Variants in GHR observed in about 807,000 individuals in gnomAD.
GHR encodes the protein growth hormone receptor.
A neutral mutation model predicts 67.1 loss-of-function variants in GHR; 35 were observed. The ratio of observed to expected loss-of-function variants is 0.52; its 90% CI spans 0.40 to 0.69. The LOEUF (loss-of-function observed/expected upper bound fraction) is 0.69. GHR is among the 30% of genes least tolerant of loss of function. The pLI, the probability that GHR is intolerant of heterozygous loss-of-function variation, is 0.00. For missense variants in GHR, 792 were observed against 764.6 expected (o/e 1.04, Z -0.42); for synonymous variants, 272 against 269.1 (o/e 1.01, Z -0.10).
At position 42,695,077 on chromosome 5, in the gene GHR, G is replaced by A. The variant is rs137886646; in HGVS notation, c.427G>A (p.Val143Ile). The A allele has an allele frequency of 4.4e-6, 7 of 1,608,186 alleles. No homozygotes were observed. Among genetic ancestry groups the A allele is most frequent in the African/African-American group, 4.0e-5 (3 of 74,800 alleles). The change falls in exon 5 of 10, where the codon GTT becomes ATT. Residue 143 changes from valine to isoleucine, a missense_variant. Physicochemically the swap from Val to Ile is conservative, Grantham distance 29. Transcript: ENST00000230882. Reference protein sequence around the residue: ...GGTVDEKCFSVDEIVQPDPPI... With the variant: ...GGTVDEKCFSIDEIVQPDPPI... ...TACAGTGGATGAAAAGTGTTTCTCT[G>A]TTGATGAAATAGGTAAATCACAGGT...
chr5:42,568,400 A>G (rs1241146122), intron 2 of GHR, among the ~76,000 whole-genome samples: 1 of 152,198 alleles, frequency 6.6e-6, no homozygotes, highest in Non-Finnish European at 1.5e-5. Flanking sequence ...AGCCAGTTAC[A>G]TAGTCTAGAG....
chr5:42,444,008 G>A (rs536333674), intron 1 of GHR, among the ~76,000 whole-genome samples: 2 of 145,150 alleles, frequency 1.4e-5, no homozygotes, highest in South Asian at 4.3e-4. Flanking sequence ...GACATAGATA[G>A]ATATAGATAT....
intron 5 of GHR, among the ~76,000 whole-genome samples, chr5:42,695,353 A>G (rs897590798): frequency 2.0e-5 from 3 of 152,152 alleles, no homozygotes; most frequent in African/African-American, 7.2e-5. Context: ...TTCCTTTAGG[A>G]TATCTTTGAA....
intron 1 of GHR, among the ~76,000 whole-genome samples, chr5:42,494,262 G>A (rs1322120773): frequency 6.6e-6 from 1 of 151,978 alleles, no homozygotes; most frequent in Non-Finnish European, 1.5e-5. Context: ...ACCATATCCT[G>A]GCTAATTAGA....
intron 1 of GHR, among the ~76,000 whole-genome samples, chr5:42,474,958 A>G (rs1051616997): frequency 7.4e-6 from 1 of 135,320 alleles, no homozygotes; most frequent in African/African-American, 2.9e-5. Flanking sequence ...ATCTTGGCTC[A>G]TTGCAACTTC....
At chr5:42,532,297 G>A (rs1269253360) in intron 1 of GHR, among the ~76,000 whole-genome samples, 2 of 152,058 alleles carry the variant, frequency 1.3e-5, no homozygotes, top group Non-Finnish European at 2.9e-5. Flanking sequence ...TTAGGGACTT[G>A]TTATGTTTAA....
chr5:42,477,136 G>A (rs1745370487), intron 1 of GHR, among the ~76,000 whole-genome samples: 2 of 148,538 alleles, frequency 1.3e-5, no homozygotes, highest in Non-Finnish European at 3.0e-5. Flanking sequence ...TGCGGTGTTT[G>A]GTTTTTTTTC....
chr5:42,523,723 T>A (rs1267165937), intron 1 of GHR, among the ~76,000 whole-genome samples: 2 of 152,076 alleles, frequency 1.3e-5, no homozygotes, highest in African/African-American at 2.4e-5. Flanking sequence ...TCTGATATGG[T>A]TTGGTTGTGT....
chr5:42,603,828 G>A (rs1251938732), intron 2 of GHR, among the ~76,000 whole-genome samples: 2 of 152,114 alleles, frequency 1.3e-5, no homozygotes, highest in African/African-American at 4.8e-5. Context: ...CACTTCTACT[G>A]AGAGATCCTA....
chr5:42,688,846 G>C, intron 3 of GHR, 44 bp from the exon 4 acceptor site: 1 of 1,595,302 alleles, frequency 6.3e-7, no homozygotes. Context: ...GATCACATAT[G>C]ACTCACCTGA....
intron 2 of GHR, among the ~76,000 whole-genome samples, chr5:42,593,625 A>G (rs1036588548): frequency 3.3e-5 from 5 of 152,158 alleles, no homozygotes; most frequent in Admixed American, 1.3e-4. Flanking sequence ...ATCTGAAGGC[A>G]GTGCACTGGA....
intron 1 of GHR, among the ~76,000 whole-genome samples, chr5:42,426,566 G>A (rs1488770772): frequency 2.6e-5 from 4 of 152,266 alleles, no homozygotes; most frequent in Non-Finnish European, 2.9e-5. Context: ...ATGTGTTTAT[G>A]TGTGTCCATA....
Position 42,567,758 on chromosome 5 carries a change from T to C in GHR, c.70+1814T>C, listed in dbSNP as rs543814933. On this transcript the variant is annotated intron_variant, in intron 2 of 9. Transcript: ENST00000230882. ...AAGCACGTTCCAGTGTGTGTGTGCA[T>C]GCTTGGCTCTGTGTGTGTGTGTGTG... is the stretch of plus-strand genomic sequence containing the variant. Among the ~76,000 whole-genome samples, 441 of 145,860 alleles carry C rather than the reference T, an allele frequency of 3.0e-3. 3 individuals are homozygous for C. Among genetic ancestry groups the C allele is most frequent in the African/African-American group, 0.011 (420 of 38,954 alleles).
chr5:42,623,056 G>C (rs1753533268), intron 2 of GHR, among the ~76,000 whole-genome samples: 1 of 152,072 alleles, frequency 6.6e-6, no homozygotes, highest in Non-Finnish European at 1.5e-5. Context: ...CTGCTGTCAA[G>C]GTAGTGACTA....
At position 42,517,750 on chromosome 5, in the gene GHR, A is replaced by C. The variant is rs114334932; in HGVS notation, c.-11-48114A>C. Among the ~76,000 whole-genome samples, 914 of 152,260 alleles carry C rather than the reference A, an allele frequency of 6.0e-3. 8 individuals are homozygous for C. The highest frequency in any genetic ancestry group is 0.027 in the Middle Eastern group (8 of 294). On this transcript the variant is annotated intron_variant, in intron 1 of 9. Transcript: ENST00000230882. ...TAAGTGGTATTATTCATTCAGACTT[A>C]AAGTGAAGTTAGGTTGCTGTCACTC...
chr5:42,612,360 T>A (rs773012492), intron 2 of GHR, among the ~76,000 whole-genome samples: 5 of 152,180 alleles, frequency 3.3e-5, no homozygotes, highest in Non-Finnish European at 7.4e-5. Context: ...AGCATTTGTA[T>A]TAAAATCCAT....
At chr5:42,701,305 G>A (rs1291385431) in intron 6 of GHR, among the ~76,000 whole-genome samples, 3 of 152,156 alleles carry the variant, frequency 2.0e-5, no homozygotes, top group Non-Finnish European at 2.9e-5. Flanking sequence ...CCAGTTTCAC[G>A]TTTGAAGTTC....
chr5:42,623,514 A>C (rs1276710189), intron 2 of GHR, among the ~76,000 whole-genome samples: 3 of 152,080 alleles, frequency 2.0e-5, no homozygotes, highest in Admixed American at 6.6e-5. Context: ...TGTCTTCTGC[A>C]CCTTTGTACC....
rs1186683759 is a variant in GHR at position 42,526,634 on chromosome 5, C to G, written c.-11-39230C>G. The stretch of plus-strand genomic sequence containing the variant: ...TCAAAACTTCAAAGGGAAGGCTGAT[C>G]CTTTTTTTATGAGTTGATGAAGTTG... On this transcript the variant is annotated intron_variant, in intron 1 of 9. Coordinates refer to ENST00000230882, the MANE Select transcript of GHR (RefSeq NM_000163.5). Among the ~76,000 whole-genome samples the G allele has an allele frequency of 2.6e-5, 4 of 152,160 alleles. No homozygotes were observed. The East Asian group carries it at 5.8e-4, about 22-fold the overall frequency.
Sources: gnomAD v4.1 joint callset for allele counts (sites outside exome capture counted in the v4.1 genomes callset) on GRCh38, gnomAD v4.1.1 for gene constraint, MANE v1.5 for transcripts, NCBI Gene and HGNC (gene_info 2026-07-23, HGNC 2026-07-21) for gene names.